The following OAT variants were observed in gnomAD, a reference collection of about 807,000 sequenced individuals.
OAT encodes ornithine aminotransferase, mitochondrial.
Under a neutral mutation model 48.4 loss-of-function variants are expected in OAT, and 35 were observed. The ratio of observed to expected loss-of-function variants is 0.72; its 90% confidence interval spans 0.55 to 0.96. The LOEUF is 0.96. Among genes scored for constraint, OAT ranks in the 40% least tolerant of loss-of-function variants. The pLI is 0.00. For synonymous variants in OAT, 182 were observed against 198.4 expected (o/e 0.92, Z 0.70); for missense variants, 438 against 537.9 (o/e 0.81, Z 1.84).
Position 124,403,914 on chromosome 10 carries a change from G to T in OAT, c.655C>A (p.Leu219Ile). ...YNDLPALERA[L>I]QDPNVAAFMV... ...AACGCAGCCACATTTGGATCCTGAAGAGCACGCTACAGAAGAAACAGGAAT... is the reference window on the plus strand; with the variant it reads ...AACGCAGCCACATTTGGATCCTGAATAGCACGCTACAGAAGAAACAGGAAT... The change falls in exon 6 of 10, where the codon CTT (leucine) becomes ATT (isoleucine). Residue 219 changes from leucine (L) to isoleucine (I), a missense_variant. Coordinates refer to ENST00000368845, the MANE Select transcript of OAT (RefSeq NM_000274.4). The T allele has an allele frequency of 6.2e-7, 1 of 1,614,096 alleles. No homozygotes were observed. Among genetic ancestry groups the T allele is most frequent in the Non-Finnish European group, 8.5e-7 (1 of 1,179,978 alleles).
At chr10:124,404,530 G>A (rs950428442) in intron 5 of OAT, among the ~76,000 whole-genome samples, 15 of 151,686 alleles carry the variant, frequency 9.9e-5, no homozygotes, top group Non-Finnish European at 1.6e-4. Flanking sequence ...CAAGCAATCT[G>A]CCTGCCTCGG....
At chr10:124,402,823 A>G in intron 7 of OAT, 104 bp downstream of exon 7, 1 of 1,499,320 alleles carries the variant, frequency 6.7e-7, no homozygotes, top group South Asian at 1.2e-5. Flanking sequence ...TGGTAAAATC[A>G]AACAATCTGA....
chr10:124,409,114 C>T (rs1332604894), intron 2 of OAT, 149 bp from the exon 3 acceptor site: 1 of 613,470 alleles, frequency 1.6e-6, no homozygotes, highest in Non-Finnish European at 2.9e-6. Context: ...TTAGCTCAGG[C>T]ATAATAAACT....
intron 5 of OAT, among the ~76,000 whole-genome samples, chr10:124,404,746 T>C (rs1166501121): frequency 6.6e-6 from 1 of 152,176 alleles, no homozygotes; most frequent in Non-Finnish European, 1.5e-5. Context: ...TACACAAATG[T>C]ACCTAAATTA....
rs542242562 is a variant in OAT, at chr10:124,397,888, G to A, written c.*54C>T. ...CCACATTAGGAATAAAGCTTTTACA[G>A]GACCACCTGTCTCCAGCTGGCTCCC... On this transcript the variant is annotated 3_prime_UTR_variant, in exon 10 of 10. Transcript: ENST00000368845. 1.4e-5 allele frequency: 23 copies of A among 1,608,084 alleles called. No individual in the cohort carries two copies. In the Admixed American group the frequency reaches 3.5e-4, roughly 24 times the overall value.
intron 5 of OAT, among the ~76,000 whole-genome samples, 191 bp from the exon 6 acceptor site, chr10:124,404,111 C>G (rs1181581533): frequency 6.6e-6 from 1 of 152,108 alleles, no homozygotes; most frequent in African/African-American, 2.4e-5. Flanking sequence ...GTTACACTAG[C>G]CTACATTTCC....
At chr10:124,406,898 C>G in intron 4 of OAT, 2 of 940,290 alleles carry the variant, frequency 2.1e-6, no homozygotes, top group Non-Finnish European at 2.5e-6. Context: ...GGAGAAAACA[C>G]CTGACATAAA....
In OAT at chr10:124,403,009, C is replaced by G; in HGVS notation, c.818G>C (p.Gly273Ala). ...DEIQTGLART[G>A]RWLAVDYENV... ...TTCATAATCAACAGCCAGCCATCTACCAGTTCTGGCCAATCCTGTCTGTAT... is the reference window on the plus strand; with the variant it reads ...TTCATAATCAACAGCCAGCCATCTAGCAGTTCTGGCCAATCCTGTCTGTAT... Residue 273 changes from glycine to alanine, a missense_variant, in exon 7 of 10, where the codon GGT becomes GCT. Gly to Ala is a moderately conservative substitution (Grantham distance 60). Coordinates refer to ENST00000368845, the MANE Select transcript of OAT (RefSeq NM_000274.4). 6.2e-7 allele frequency: 1 copy of G among 1,614,096 alleles called. No individual in the cohort carries two copies. Among genetic ancestry groups the G allele is most frequent in the Non-Finnish European group, 8.5e-7 (1 of 1,179,982 alleles).
intron 5 of OAT, among the ~76,000 whole-genome samples, chr10:124,404,217 C>G (rs1158432101): frequency 6.6e-6 from 1 of 152,048 alleles, no homozygotes; most frequent in Non-Finnish European, 1.5e-5. Context: ...ATCCTCCTGC[C>G]TCAGCCTGCC....
At chr10:124,402,048 G>GTTAT (rs561875325) in intron 7 of OAT, among the ~76,000 whole-genome samples, 50 of 151,316 alleles carry the variant, frequency 3.3e-4, no homozygotes, top group East Asian at 1.7e-3. Context: ...CACCACACAT[G>GTTAT]TTATTTATTT....
intron 2 of OAT, among the ~76,000 whole-genome samples, chr10:124,411,148 A>AAAAG (rs1951734759): frequency 6.9e-6 from 1 of 144,704 alleles, no homozygotes; most frequent in African/African-American, 2.6e-5. Context: ...TCAAAAAAAA[A>AAAAG]AAAAAAAAAA....
intron 9 of OAT, among the ~76,000 whole-genome samples, chr10:124,400,446 TAAA>T (rs56370450): frequency 3.9e-5 from 4 of 103,836 alleles, no homozygotes; most frequent in African/African-American, 3.6e-5. Flanking sequence ...GACTCCATCT[TAAA>T]AAAAAAAAAA....
chr10:124,401,384 A>G (rs891327960), intron 8 of OAT, among the ~76,000 whole-genome samples: 3 of 152,198 alleles, frequency 2.0e-5, no homozygotes, highest in Non-Finnish European at 2.9e-5. Context: ...GTCTGAAAAC[A>G]TTATAAATCC....
rs1330481215 is a variant in OAT at position 124,397,709 on chromosome 10, A to C, written c.*233T>G. The stretch of plus-strand genomic sequence containing the variant: ...TTCACCTTAGGAAGTACACATGCAC[A>C]TCAAAACACTTCAACTGAATATAGA... On this transcript the variant is annotated 3_prime_UTR_variant, in exon 10 of 10. Transcript: ENST00000368845. 1 of 513,590 alleles carries C rather than the reference A, an allele frequency of 1.9e-6. No individual in the cohort carries two copies. The highest frequency in any genetic ancestry group is 1.9e-5 in the African/African-American group (1 of 51,976). The allele number at this position is 513,590 out of a possible 1,614,324, so 31.8% of individuals were successfully genotyped here. A position where few individuals can be genotyped will look rare whatever the true frequency, so the allele number is the denominator to read the frequency against.
At position 124,412,022 on chromosome 10, in the gene OAT, A is replaced by T; in HGVS notation, c.150T>A (p.Tyr50Ter). The change falls in exon 2 of 10, where the codon TAT (tyrosine) becomes TAA (stop). Residue 50 changes from tyrosine (Y) to a stop codon, truncating the protein, a stop_gained. Transcript: ENST00000368845. LOFTEE classifies it high-confidence loss of function. ...GTAAAGGATGGTAGTTGTGTGCACC[A>T]TACTTATATTCCCTTTCAAAAATGT... is the stretch of plus-strand genomic sequence containing the variant. ...SDDIFEREYKYGAHNYHPLPV... is the reference protein window; with the variant it reads ...SDDIFEREYK 6.2e-7 allele frequency: 1 copy of T among 1,614,258 alleles called. No individual in the cohort carries two copies. Among genetic ancestry groups the T allele is most frequent in the Non-Finnish European group, 8.5e-7 (1 of 1,180,050 alleles).
chr10:124,412,618 C>T (rs1951792867), intron 1 of OAT, among the ~76,000 whole-genome samples: 1 of 151,654 alleles, frequency 6.6e-6, no homozygotes, highest in African/African-American at 2.4e-5. Context: ...CCAGCCTAGG[C>T]AACATAGTCT....
chr10:124,398,085 C>A lies in OAT; in HGVS notation c.1177G>T (p.Val393Leu), dbSNP rs751502246. The A allele has an allele frequency of 1.9e-6, 3 of 1,614,088 alleles. No individual in the cohort carries two copies. Among genetic ancestry groups the A allele is most frequent in the Non-Finnish European group, 2.5e-6 (3 of 1,179,986 alleles). The change falls in exon 10 of 10, where the codon GTG becomes TTG. Residue 393 changes from valine to leucine, a missense_variant. Physicochemically the swap from Val to Leu is conservative, Grantham distance 32. Transcript: ENST00000368845. ...CCATTATCTCGAAGTCGTAGACACACCTTCCAAGCATCCCAATCTAAAGAA... is the reference window on the plus strand; with the variant it reads ...CCATTATCTCGAAGTCGTAGACACAACTTCCAAGCATCCCAATCTAAAGAA... ...KETKDWDAWK[V>L]CLRLRDNGLL... is the part of the protein sequence containing the mutation.
chr10:124,407,056 T>A (rs1223660597), intron 4 of OAT: 1 of 985,322 alleles, frequency 1.0e-6, no homozygotes, highest in East Asian at 1.1e-4. Context: ...CATTAATCAG[T>A]GCTGGATTAT....
In OAT at chr10:124,408,728, G is replaced by C; in HGVS notation, c.424+13C>G. 6.3e-7 allele frequency: 1 copy of C among 1,592,524 alleles called. No individual in the cohort carries two copies. The highest frequency in any genetic ancestry group is 2.2e-5 in the East Asian group (1 of 44,748). On this transcript the variant is annotated intron_variant, in intron 3 of 9. Coordinates refer to ENST00000368845, the MANE Select transcript of OAT (RefSeq NM_000274.4). ...TTTTTGAGGGTATTTAACAAAAAAA[G>C]GAAATGTTTTACCTGTATTCATAGG... is the stretch of plus-strand genomic sequence containing the variant.
Sources: gnomAD v4.1 joint callset for allele counts (sites outside exome capture counted in the v4.1 genomes callset) on GRCh38, gnomAD v4.1.1 for gene constraint, MANE v1.5 for transcripts, NCBI Gene and HGNC (gene_info 2026-07-23, HGNC 2026-07-21) for gene names.